The following CSMD1 variants were observed in gnomAD, a reference collection of about 807,000 sequenced individuals.
The protein encoded by CSMD1 is CUB and Sushi multiple domains 1.
A neutral mutation model predicts 417.5 loss-of-function variants in CSMD1; 213 were observed. The observed-to-expected ratio is 0.51, with a 90% confidence interval of 0.46 to 0.57. CSMD1 has a LOEUF of 0.57. CSMD1 is among the 20% of genes least tolerant of loss of function. CSMD1 has a pLI of 0.00. For synonymous variants in CSMD1, 2,862 were observed against 1,736.8 expected, an observed-to-expected ratio of 1.65 and a Z score of -16.11; for missense variants, 6,923 against 4,529.7, an observed-to-expected ratio of 1.53 and a Z score of -15.17.
chr8:3,565,664 C>G (rs1175132449), intron 10 of CSMD1, among the ~76,000 whole-genome samples: 1 of 152,178 alleles, frequency 6.6e-6, no homozygotes, highest in African/African-American at 2.4e-5. Flanking sequence ...TTCCCTAAAA[C>G]AGATCTGATA....
intron 5 of CSMD1, among the ~76,000 whole-genome samples, chr8:3,857,733 A>T (rs1804412488): frequency 6.6e-6 from 1 of 152,222 alleles, no homozygotes; most frequent in South Asian, 2.1e-4. Flanking sequence ...TTACAAAGAC[A>T]GTTTTTGACA....
At chr8:4,315,981 A>C (rs185949579) in intron 3 of CSMD1, among the ~76,000 whole-genome samples, 52 of 152,274 alleles carry the variant, frequency 3.4e-4, no homozygotes, top group African/African-American at 1.2e-3. Context: ...TGTGAATGTC[A>C]TCTTTTATTC....
At chr8:3,121,522 A>G (rs2129020696) in intron 41 of CSMD1, among the ~76,000 whole-genome samples, 1 of 152,280 alleles carries the variant, frequency 6.6e-6, no homozygotes, top group East Asian at 1.9e-4. Flanking sequence ...CTTCACCTGG[A>G]GGGAAGCGCT....
intron 5 of CSMD1, among the ~76,000 whole-genome samples, chr8:3,827,117 C>T (rs1239171091): frequency 1.3e-5 from 2 of 152,050 alleles, no homozygotes; most frequent in Non-Finnish European, 2.9e-5. Context: ...ATGTAAAAAC[C>T]GTAAAAGAAA....
intron 49 of CSMD1, among the ~76,000 whole-genome samples, chr8:3,078,487 T>G (rs978312977): frequency 1.3e-5 from 2 of 152,216 alleles, no homozygotes; most frequent in Admixed American, 6.5e-5. Flanking sequence ...TAACTGATAT[T>G]GACGGCGTTG....
At chr8:4,433,630 T>C (rs183791844) in intron 2 of CSMD1, among the ~76,000 whole-genome samples, 243 of 152,270 alleles carry the variant, frequency 1.6e-3, no homozygotes, top group African/African-American at 5.5e-3. Flanking sequence ...CCAGTTTTCT[T>C]TATGCTCAAA....
chr8:3,227,788 G>C lies in CSMD1; in HGVS notation c.4345+2252C>G, dbSNP rs149306246. Among the ~76,000 whole-genome samples the C allele has an allele frequency of 3.7e-3, 552 of 148,626 alleles. 4 individuals are homozygous for C. Among genetic ancestry groups the C allele is most frequent in the Middle Eastern group, 0.017 (5 of 286 alleles). On this transcript the variant is annotated intron_variant, in intron 27 of 69. Coordinates refer to ENST00000635120, the MANE Select transcript of CSMD1 (RefSeq NM_033225.6). ...ACTTTTTTCTTTTTTTTTTTTTTGA[G>C]ACAGAGTCTCACTCTGTTGCACAGG... is the stretch of plus-strand genomic sequence containing the variant.
intron 1 of CSMD1, among the ~76,000 whole-genome samples, chr8:4,807,326 G>T (rs945057453): frequency 4.6e-5 from 7 of 152,130 alleles, no homozygotes; most frequent in African/African-American, 1.7e-4. Flanking sequence ...CCAAGGGTAG[G>T]GTGACAGCAC....
intron 1 of CSMD1, among the ~76,000 whole-genome samples, chr8:4,874,388 A>T (rs368240265): frequency 3.3e-4 from 44 of 133,470 alleles, no homozygotes; most frequent in Middle Eastern, 4.0e-3. Flanking sequence ...ATCCGATTGT[A>T]TTTTTTTTTT....
Position 3,832,131 on chromosome 8 carries a change from A to C in CSMD1, c.819-78089T>G, listed in dbSNP as rs771284950. ...GCATGTGGGCAAACAGTAATTCTTTAGGGCTATTTATGGGCCAGCCTCTGA... is the reference window on the plus strand; with the variant it reads ...GCATGTGGGCAAACAGTAATTCTTTCGGGCTATTTATGGGCCAGCCTCTGA... On this transcript the variant is annotated intron_variant, in intron 5 of 69. Transcript: ENST00000635120. Among the ~76,000 whole-genome samples, 10 of 152,264 alleles carry C rather than the reference A, an allele frequency of 6.6e-5. No individual in the cohort carries two copies. In the South Asian group the frequency reaches 8.3e-4, roughly 13 times the overall value.
At chr8:3,192,316 G>C (rs1222060888) in intron 33 of CSMD1, among the ~76,000 whole-genome samples, 1 of 152,248 alleles carries the variant, frequency 6.6e-6, no homozygotes, top group Non-Finnish European at 1.5e-5. Context: ...TTCAGGTTTG[G>C]AATTCTTGTA....
At chr8:4,786,224 A>T (rs1039170219) in intron 1 of CSMD1, among the ~76,000 whole-genome samples, 2 of 152,198 alleles carry the variant, frequency 1.3e-5, no homozygotes, top group Non-Finnish European at 2.9e-5. Context: ...CACCAATTCA[A>T]TTCACTAACG....
Position 4,540,867 on chromosome 8 carries a change from G to T in CSMD1, c.302+96475C>A, listed in dbSNP as rs150129231. Among the ~76,000 whole-genome samples, 651 of 152,206 alleles carry T rather than the reference G, an allele frequency of 4.3e-3. 7 individuals carry two copies. The highest frequency in any genetic ancestry group is 0.015 in the African/African-American group (615 of 41,526). ...AGGCTCACCCAAACCAGCAACACAGGAAGTCTGACTCTCCGCCACTCTGCT... is the reference window on the plus strand; with the variant it reads ...AGGCTCACCCAAACCAGCAACACAGTAAGTCTGACTCTCCGCCACTCTGCT... On this transcript the variant is annotated intron_variant, in intron 2 of 69. Transcript: ENST00000635120.
At chr8:4,287,637 T>C (rs1797132949) in intron 3 of CSMD1, among the ~76,000 whole-genome samples, 3 of 147,648 alleles carry the variant, frequency 2.0e-5, no homozygotes, top group African/African-American at 7.4e-5. Context: ...AAATGCTGGC[T>C]GCAGTCTCGT....
At chr8:4,536,839 G>C (rs1395236693) in intron 2 of CSMD1, among the ~76,000 whole-genome samples, 1 of 152,166 alleles carries the variant, frequency 6.6e-6, no homozygotes, top group Admixed American at 6.6e-5. Context: ...TTCACAAGGG[G>C]TGTCACCTTT....
At chr8:3,524,190 C>T (rs376000766) in intron 10 of CSMD1, among the ~76,000 whole-genome samples, 2,069 of 151,882 alleles carry the variant, frequency 0.014, 56 homozygotes, top group African/African-American at 0.048. Flanking sequence ...CACATACTCA[C>T]ATATGCACAC....
chr8:4,584,793 C>T (rs573397308), intron 2 of CSMD1, among the ~76,000 whole-genome samples: 7 of 152,224 alleles, frequency 4.6e-5, no homozygotes, highest in East Asian at 1.9e-4. Flanking sequence ...AGGTTAGGCC[C>T]GCTTCTAAAA....
intron 3 of CSMD1, among the ~76,000 whole-genome samples, chr8:4,120,891 C>A (rs1196811297): frequency 6.6e-6 from 1 of 152,046 alleles, no homozygotes; most frequent in Non-Finnish European, 1.5e-5. Flanking sequence ...TGTTTATACA[C>A]CATGGAATTT....
At chr8:3,252,379 T>C (rs892681939) in intron 26 of CSMD1, among the ~76,000 whole-genome samples, 2 of 152,234 alleles carry the variant, frequency 1.3e-5, no homozygotes, top group Non-Finnish European at 2.9e-5. Context: ...GATTTGCATA[T>C]GTTGAACCAG....
Sources: allele counts gnomAD v4.1 joint callset (sites outside exome capture counted in the v4.1 genomes callset), GRCh38; gene constraint gnomAD v4.1.1; transcripts MANE v1.5; gene names NCBI Gene and HGNC (gene_info 2026-07-23, HGNC 2026-07-21).